The following CNTNAP4 variants were observed in gnomAD, a reference collection of about 807,000 sequenced individuals.
CNTNAP4 encodes contactin-associated protein-like 4.
In CNTNAP4, 98 loss-of-function variants were observed where a neutral mutation model predicts 148.4. The ratio of observed to expected loss-of-function variants is 0.66; its 90% CI spans 0.56 to 0.78. CNTNAP4 has a LOEUF of 0.78. CNTNAP4 is among the 30% of genes least tolerant of loss of function. CNTNAP4 has a pLI of 0.00. For synonymous variants in CNTNAP4, 730 were observed against 565.1 expected (o/e 1.29, Z -4.14); for missense variants, 1,935 against 1,565.6 (o/e 1.24, Z -3.98).
intron 3 of CNTNAP4, among the ~76,000 whole-genome samples, chr16:76,408,100 C>G (rs7205012): frequency 0.35 from 52,488 of 151,730 alleles, 10,808 homozygotes; most frequent in Non-Finnish European, 0.44. Context: ...AAGGCATATA[C>G]ATTTTTAAGG....
At chr16:76,368,475 C>T (rs1405364887) in intron 3 of CNTNAP4, among the ~76,000 whole-genome samples, 2 of 152,208 alleles carry the variant, frequency 1.3e-5, no homozygotes, top group African/African-American at 4.8e-5. Context: ...CACATATACA[C>T]TGTGGAATAC....
chr16:76,476,110 A>T, intron 11 of CNTNAP4, 65 bp downstream of exon 11: 4 of 1,093,948 alleles, frequency 3.7e-6, no homozygotes, highest in Non-Finnish European at 5.6e-6. Context: ...TTCCCTTTTC[A>T]TTGCTGTGTG....
At chr16:76,501,375 T>C (rs1295856955) in intron 15 of CNTNAP4, among the ~76,000 whole-genome samples, 1 of 152,186 alleles carries the variant, frequency 6.6e-6, no homozygotes, top group Non-Finnish European at 1.5e-5. Context: ...CTGCCTTCCT[T>C]ATTTCATTAG....
intron 3 of CNTNAP4, among the ~76,000 whole-genome samples, chr16:76,376,841 G>A (rs1360740087): frequency 6.6e-6 from 1 of 152,124 alleles, no homozygotes; most frequent in Non-Finnish European, 1.5e-5. Context: ...AGTGAAGTCA[G>A]GGAGGGTGAG....
chr16:76,500,187 GC>G (rs900983338), intron 15 of CNTNAP4, among the ~76,000 whole-genome samples: 2 of 151,978 alleles, frequency 1.3e-5, no homozygotes, highest in African/African-American at 4.8e-5. Context: ...GGCGGGGGCT[GC>G]CCCCCACCTC....
At chr16:76,332,451 A>G (rs941161506) in intron 2 of CNTNAP4, among the ~76,000 whole-genome samples, 1 of 152,052 alleles carries the variant, frequency 6.6e-6, no homozygotes, top group East Asian at 1.9e-4. Context: ...TTTTGTAGAG[A>G]TGGGATTTTG....
intron 3 of CNTNAP4, among the ~76,000 whole-genome samples, chr16:76,416,838 C>G (rs1240949443): frequency 6.6e-6 from 1 of 151,336 alleles, no homozygotes; most frequent in Non-Finnish European, 1.5e-5. Flanking sequence ...ATGGACTTCT[C>G]TGTTTTTAAC....
intron 1 of CNTNAP4, among the ~76,000 whole-genome samples, chr16:76,308,621 C>T (rs1382032031): frequency 9.9e-5 from 15 of 152,196 alleles, no homozygotes; most frequent in Admixed American, 9.8e-4. Flanking sequence ...AGGAACAATG[C>T]TCATCACTGG....
At chr16:76,455,769 C>G (rs2080704933) in intron 8 of CNTNAP4, among the ~76,000 whole-genome samples, 1 of 152,168 alleles carries the variant, frequency 6.6e-6, no homozygotes, top group Non-Finnish European at 1.5e-5. Context: ...CCTTTTGCAC[C>G]TTTGCTGAAC....
At chr16:76,297,689 G>A (rs962718553) in intron 1 of CNTNAP4, among the ~76,000 whole-genome samples, 12 of 152,090 alleles carry the variant, frequency 7.9e-5, no homozygotes, top group African/African-American at 2.7e-4. Flanking sequence ...GCTTATGATA[G>A]ATAGATACAC....
Position 76,399,519 on chromosome 16 carries a change from C to G in CNTNAP4, c.391-27933C>G, listed in dbSNP as rs541140376. Reference sequence around the variant, plus strand: ...TATCAGAATTCAGTTTGGGGATATTCTTATGAGATTTTTGGAACCCACAGG... The same window carrying G: ...TATCAGAATTCAGTTTGGGGATATTGTTATGAGATTTTTGGAACCCACAGG... On this transcript the variant is annotated intron_variant, in intron 3 of 23. Transcript: ENST00000611870. Among the ~76,000 whole-genome samples the G allele has an allele frequency of 4.5e-4, 68 of 152,208 alleles. 3 individuals carry two copies. In the South Asian group the frequency reaches 0.014, roughly 31 times the overall value.
At chr16:76,396,447 G>A (rs184963282) in intron 3 of CNTNAP4, among the ~76,000 whole-genome samples, 1 of 152,306 alleles carries the variant, frequency 6.6e-6, no homozygotes, top group East Asian at 1.9e-4. Flanking sequence ...AAAGCTGTAA[G>A]TGGTGAAGAG....
chr16:76,346,456 G>A (rs1177908690), intron 2 of CNTNAP4, among the ~76,000 whole-genome samples: 1 of 146,550 alleles, frequency 6.8e-6, no homozygotes, highest in Non-Finnish European at 1.5e-5. Flanking sequence ...AAAAAAGAAG[G>A]TAGAGAAGCA....
chr16:76,322,226 G>A (rs894961181), intron 2 of CNTNAP4, among the ~76,000 whole-genome samples: 3 of 152,198 alleles, frequency 2.0e-5, no homozygotes, highest in Admixed American at 2.0e-4. Context: ...TGTTAGCACT[G>A]CCTGATATTT....
chr16:76,326,524 A>G (rs1181821819), intron 2 of CNTNAP4, among the ~76,000 whole-genome samples: 1 of 152,172 alleles, frequency 6.6e-6, no homozygotes, highest in Non-Finnish European at 1.5e-5. Flanking sequence ...CACTATTCAC[A>G]ATAGCAAAGA....
chr16:76,491,380 T>C (rs1397109910), intron 13 of CNTNAP4, among the ~76,000 whole-genome samples: 1 of 152,196 alleles, frequency 6.6e-6, no homozygotes, highest in East Asian at 1.9e-4. Context: ...ATTCATGAAA[T>C]GGACGAATGG....
intron 2 of CNTNAP4, among the ~76,000 whole-genome samples, chr16:76,338,055 A>G (rs1275278469): frequency 5.9e-5 from 9 of 152,348 alleles, no homozygotes; most frequent in African/African-American, 2.2e-4. Flanking sequence ...GAGGTGACAT[A>G]CATCCTAAGC....
intron 21 of CNTNAP4, among the ~76,000 whole-genome samples, chr16:76,552,433 C>G (rs555174919): frequency 6.6e-6 from 1 of 152,106 alleles, no homozygotes; most frequent in South Asian, 2.1e-4. Flanking sequence ...TGATAAATTT[C>G]TCTTGTTTAG....
chr16:76,469,628 C>T (rs1377187568), intron 10 of CNTNAP4: 1 of 152,228 alleles, frequency 6.6e-6, no homozygotes, highest in East Asian at 1.9e-4. Flanking sequence ...CACACAAGGA[C>T]TCCCGGTTGC....
Sources: allele counts gnomAD v4.1 joint callset (sites outside exome capture counted in the v4.1 genomes callset), GRCh38; gene constraint gnomAD v4.1.1; transcripts MANE v1.5; gene names NCBI Gene and HGNC (gene_info 2026-07-23, HGNC 2026-07-21).